The following GABRB3 variants were observed in gnomAD, a reference collection of about 807,000 sequenced individuals.
GABRB3 encodes the protein gamma-aminobutyric acid receptor subunit beta-3.
A neutral mutation model predicts 52.1 loss-of-function variants in GABRB3; 14 were observed. The observed-to-expected ratio is 0.27, with a 90% confidence interval of 0.18 to 0.42. The LOEUF (loss-of-function observed/expected upper bound fraction) is 0.42. Among genes scored for constraint, GABRB3 ranks in the 10% least tolerant of loss-of-function variants. GABRB3 has a pLI of 1.00. For synonymous variants in GABRB3, 260 were observed against 232.3 expected (o/e 1.12, Z -1.08); for missense variants, 307 against 609.1 (o/e 0.50, Z 5.22).
At chr15:26,556,906 G>A (rs1889773831) in intron 8 of GABRB3, among the ~76,000 whole-genome samples, 1 of 151,882 alleles carries the variant, frequency 6.6e-6, no homozygotes, top group African/African-American at 2.4e-5. Flanking sequence ...CTGCTGTGGA[G>A]CCAGCAGCTG....
intron 3 of GABRB3, among the ~76,000 whole-genome samples, chr15:26,742,466 A>ACCT (rs1890234485): frequency 2.0e-5 from 3 of 152,046 alleles, no homozygotes; most frequent in Admixed American, 2.0e-4. Flanking sequence ...TTTTCTCCCA[A>ACCT]GTCCTTTTAA....
rs1003799342 is a variant in GABRB3 at position 26,757,296 on chromosome 15, T to C, written c.240+15106A>G. On this transcript the variant is annotated intron_variant, in intron 3 of 8. Coordinates refer to ENST00000311550, the MANE Select transcript of GABRB3 (RefSeq NM_000814.6). ...CTCATCCCTTTCTTCACTCCTGCCC[T>C]GCAACCACGGCCCAACAGCGTCCCT... Among the ~76,000 whole-genome samples, 4 of 152,146 alleles carry C rather than the reference T, an allele frequency of 2.6e-5. No homozygotes were observed. In the South Asian group the frequency reaches 6.2e-4, roughly 24 times the overall value.
At chr15:26,761,320 G>A (rs1034496284) in intron 3 of GABRB3, among the ~76,000 whole-genome samples, 6 of 151,854 alleles carry the variant, frequency 4.0e-5, no homozygotes, top group African/African-American at 1.2e-4. Flanking sequence ...ACTTGAACCC[G>A]GGAGTCTGAG....
chr15:26,693,469 C>T (rs1167225665), intron 3 of GABRB3, among the ~76,000 whole-genome samples: 1 of 151,548 alleles, frequency 6.6e-6, no homozygotes, highest in African/African-American at 2.4e-5. Flanking sequence ...GGAGTTCCAC[C>T]AGAGCGGTAT....
intron 3 of GABRB3, among the ~76,000 whole-genome samples, chr15:26,718,499 G>A (rs765072620): frequency 2.6e-5 from 4 of 152,146 alleles, no homozygotes; most frequent in Non-Finnish European, 5.9e-5. Context: ...GTGAGCCACC[G>A]CGCCCAGCCT....
chr15:26,710,283 C>T (rs1418333504), intron 3 of GABRB3, among the ~76,000 whole-genome samples: 3 of 152,048 alleles, frequency 2.0e-5, no homozygotes, highest in South Asian at 2.1e-4. Flanking sequence ...TTGTTTGAGA[C>T]GGAGTGTCAC....
At chr15:26,633,070 C>T (rs1181680634) in intron 3 of GABRB3, among the ~76,000 whole-genome samples, 1 of 152,094 alleles carries the variant, frequency 6.6e-6, no homozygotes, top group Non-Finnish European at 1.5e-5. Flanking sequence ...TGAAGAAATC[C>T]CAGCCCAATG....
intron 4 of GABRB3, among the ~76,000 whole-genome samples, chr15:26,606,809 G>GATAGATATATCT (rs1566770738): frequency 2.8e-5 from 2 of 72,620 alleles, no homozygotes; most frequent in African/African-American, 8.5e-5. Flanking sequence ...TATATCTATA[G>GATAGATATATCT]ATAGATAGAT....
At chr15:26,684,310 G>C (rs984904982) in intron 3 of GABRB3, among the ~76,000 whole-genome samples, 1 of 152,234 alleles carries the variant, frequency 6.6e-6, no homozygotes, top group African/African-American at 2.4e-5. Context: ...ACGCAGGGTG[G>C]AGGTCTGGTG....
At chr15:26,714,190 C>T (rs1026076818) in intron 3 of GABRB3, among the ~76,000 whole-genome samples, 1 of 152,192 alleles carries the variant, frequency 6.6e-6, no homozygotes, top group African/African-American at 2.4e-5. Flanking sequence ...GTAAAAAGAG[C>T]TTCATAAGTG....
chr15:26,670,584 C>T (rs971997531), intron 3 of GABRB3, among the ~76,000 whole-genome samples: 2 of 152,210 alleles, frequency 1.3e-5, no homozygotes, highest in Non-Finnish European at 2.9e-5. Flanking sequence ...GGAGCCCGCT[C>T]CGGCCGGGCT....
chr15:26,737,993 G>A (rs571114023), intron 3 of GABRB3, among the ~76,000 whole-genome samples: 13 of 152,284 alleles, frequency 8.5e-5, no homozygotes, highest in African/African-American at 3.1e-4. Context: ...CTGTGTGGTT[G>A]ATTGCTGGAA....
chr15:26,704,446 T>C (rs1889032764), intron 3 of GABRB3, among the ~76,000 whole-genome samples: 1 of 152,198 alleles, frequency 6.6e-6, no homozygotes, highest in Non-Finnish European at 1.5e-5. Context: ...TTATCCGTAC[T>C]AATCTCCTTG....
chr15:26,697,313 A>G (rs1888772415), intron 3 of GABRB3, among the ~76,000 whole-genome samples: 1 of 152,214 alleles, frequency 6.6e-6, no homozygotes, highest in East Asian at 1.9e-4. Context: ...CTTGGAAATA[A>G]ACATAACCTA....
intron 3 of GABRB3, among the ~76,000 whole-genome samples, chr15:26,754,882 C>T (rs1890613980): frequency 6.6e-6 from 1 of 152,144 alleles, no homozygotes; most frequent in South Asian, 2.1e-4. Flanking sequence ...CACTCAAACA[C>T]CCGAGGGGTC....
At chr15:26,606,820 A>AGATCTATCTATCGATAGATATATC (rs1566770840) in intron 4 of GABRB3, among the ~76,000 whole-genome samples, 8 of 16,148 alleles carry the variant, frequency 5.0e-4, no homozygotes, top group Non-Finnish European at 1.6e-3. Context: ...ATAGATAGAT[A>AGATCTATCTATCGATAGATATATC]GATAGATAGA....
At position 26,653,761 on chromosome 15, in the gene GABRB3, G is replaced by C. The variant is rs1028446472; in HGVS notation, c.241-32227C>G. 3.3e-5 allele frequency among the ~76,000 whole-genome samples: 5 copies of C among 152,172 alleles called. No homozygotes were observed. The East Asian group carries it at 7.7e-4, about 23-fold the overall frequency. On this transcript the variant is annotated intron_variant, in intron 3 of 8. Transcript: ENST00000311550. Reference sequence around the variant, plus strand: ...TCTTACTGTCATAATTTTTGCAAAGGCAGTTTCAGAACTATGCATGTAAAG... The same window carrying C: ...TCTTACTGTCATAATTTTTGCAAAGCCAGTTTCAGAACTATGCATGTAAAG...
chr15:26,638,126 A>G (rs923061391), intron 3 of GABRB3, among the ~76,000 whole-genome samples: 6 of 152,330 alleles, frequency 3.9e-5, no homozygotes, highest in African/African-American at 1.4e-4. Context: ...GTAGTCAATC[A>G]TATTTCTGGA....
At chr15:26,730,353 G>A (rs1177606602) in intron 3 of GABRB3, among the ~76,000 whole-genome samples, 7 of 146,670 alleles carry the variant, frequency 4.8e-5, no homozygotes, top group Non-Finnish European at 1.0e-4. Flanking sequence ...GGGAGGCGGA[G>A]CTTGCAGTGA....
Sources: gnomAD v4.1 joint callset for allele counts (sites outside exome capture counted in the v4.1 genomes callset) on GRCh38, gnomAD v4.1.1 for gene constraint, MANE v1.5 for transcripts, NCBI Gene and HGNC (gene_info 2026-07-23, HGNC 2026-07-21) for gene names.